HSD17B12: variants seen among roughly 807,000 people sequenced by gnomAD.
The protein encoded by HSD17B12 is very-long-chain 3-oxoacyl-CoA reductase.
Under a neutral mutation model 39.3 loss-of-function variants are expected in HSD17B12, and 32 were observed. The observed-to-expected ratio is 0.81, with a 90% CI of 0.61 to 1.09. The LOEUF (loss-of-function observed/expected upper bound fraction) is 1.09, where lower values mean the gene tolerates loss of function less well. Ranked by LOEUF, HSD17B12 falls within the 50% of genes least tolerant of loss-of-function variation. The pLI, the probability that HSD17B12 is intolerant of heterozygous loss-of-function variation, is 0.00. For missense variants in HSD17B12, 342 were observed against 382.9 expected, an observed-to-expected ratio of 0.89 and a Z score of 0.89; for synonymous variants, 150 against 146.7, an observed-to-expected ratio of 1.02 and a Z score of -0.16.
At chr11:43,809,888 G>A (rs181683612) in intron 4 of HSD17B12, among the ~76,000 whole-genome samples, 7 of 152,284 alleles carry the variant, frequency 4.6e-5, no homozygotes, top group Admixed American at 3.9e-4. Flanking sequence ...GCTGGAACTG[G>A]ATTAGCATTT....
At chr11:43,648,774 C>G in the HSD17B12 span, among the ~76,000 whole-genome samples, 1 of 152,130 alleles carries the variant, frequency 6.6e-6, no homozygotes, top group African/African-American at 2.4e-5. Context: ...GTTGCCCAGG[C>G]TGGAGTGCAG....
the HSD17B12 span, among the ~76,000 whole-genome samples, chr11:43,567,875 C>G: frequency 6.6e-6 from 1 of 152,116 alleles, no homozygotes; most frequent in Non-Finnish European, 1.5e-5. Flanking sequence ...TAAATAAGTT[C>G]CTGGCATCAC....
chr11:43,678,411 T>C (rs2029954265), upstream of HSD17B12, among the ~76,000 whole-genome samples: 1 of 152,220 alleles, frequency 6.6e-6, no homozygotes, highest in Admixed American at 6.5e-5. Context: ...GTAGTTTCTT[T>C]TGCTGTGCAG....
At chr11:43,672,247 C>A in the HSD17B12 span, among the ~76,000 whole-genome samples, 1 of 152,006 alleles carries the variant, frequency 6.6e-6, no homozygotes, top group Non-Finnish European at 1.5e-5. Flanking sequence ...GGCGGGATTT[C>A]ACCGTGTTAG....
Position 43,727,879 on chromosome 11 carries a change from C to T in HSD17B12, c.161-23032C>T, listed in dbSNP as rs563987968. Among the ~76,000 whole-genome samples, 15 of 152,194 alleles carry T rather than the reference C, an allele frequency of 9.9e-5. 1 individual carries two copies. Among genetic ancestry groups the T allele is most frequent in the African/African-American group, 3.4e-4 (14 of 41,540 alleles). On this transcript the variant is annotated intron_variant, in intron 1 of 10. Transcript: ENST00000278353. ...AGTAATGTATAGTGGGCAGTGGACT[C>T]CCCTTTCTCCAGAGATGGTAGAGTA... is the stretch of plus-strand genomic sequence containing the variant.
At chr11:43,839,883 AAAT>A (rs1320607725) in intron 8 of HSD17B12, 113 bp from the exon 9 acceptor site, 1 of 879,702 alleles carries the variant, frequency 1.1e-6, no homozygotes, top group Non-Finnish European at 1.8e-6. Context: ...GAAATGAAAA[AAAT>A]GATGAGAAAT....
chr11:43,737,778 A>C (rs1039622838), intron 1 of HSD17B12, among the ~76,000 whole-genome samples: 2 of 152,210 alleles, frequency 1.3e-5, no homozygotes, highest in Non-Finnish European at 2.9e-5. Context: ...AGAGACAAGA[A>C]TAGTGAACTG....
At chr11:43,718,080 C>T (rs1950141369) in intron 1 of HSD17B12, among the ~76,000 whole-genome samples, 1 of 152,176 alleles carries the variant, frequency 6.6e-6, no homozygotes, top group East Asian at 1.9e-4. Context: ...GTTGGGATTA[C>T]AGGCATGAGC....
intron 7 of HSD17B12, among the ~76,000 whole-genome samples, chr11:43,832,164 G>C (rs1393840307): frequency 6.6e-6 from 1 of 152,194 alleles, no homozygotes; most frequent in Non-Finnish European, 1.5e-5. Flanking sequence ...CTGATGGTCA[G>C]ATATATAAAT....
At chr11:43,626,476 TA>T in the HSD17B12 span, among the ~76,000 whole-genome samples, 2 of 151,846 alleles carry the variant, frequency 1.3e-5, no homozygotes, top group Non-Finnish European at 3.0e-5. Flanking sequence ...CCAATAAAAA[TA>T]ATGCATTTTT....
chr11:43,852,685 C>G (rs1487044519), intron 9 of HSD17B12: 1 of 152,138 alleles, frequency 6.6e-6, no homozygotes, highest in Non-Finnish European at 1.5e-5. Context: ...GGAGATCTCA[C>G]CCTAGTGTGT....
intron 7 of HSD17B12, among the ~76,000 whole-genome samples, chr11:43,835,637 TTTTA>T (rs1951362268): frequency 6.6e-6 from 1 of 152,184 alleles, no homozygotes. Flanking sequence ...AATGCTACTC[TTTTA>T]TTTACTTAGG....
intron 3 of HSD17B12, 70 bp from the exon 4 acceptor site, chr11:43,798,250 A>C: frequency 1.2e-6 from 1 of 842,012 alleles, no homozygotes; most frequent in Non-Finnish European, 2.0e-6. Flanking sequence ...ATGCTATCAA[A>C]TGCCTTAATC....
intron 1 of HSD17B12, among the ~76,000 whole-genome samples, chr11:43,701,035 G>T (rs1949959373): frequency 6.6e-6 from 1 of 152,138 alleles, no homozygotes; most frequent in Non-Finnish European, 1.5e-5. Flanking sequence ...CATTTTAACT[G>T]GGATGAGATA....
chr11:43,714,667 A>T (rs1300741497), intron 1 of HSD17B12, among the ~76,000 whole-genome samples: 1 of 152,176 alleles, frequency 6.6e-6, no homozygotes, highest in Non-Finnish European at 1.5e-5. Context: ...GAAGAAAGTC[A>T]TTGGTAGCTT....
rs17527543 is a variant in HSD17B12 at position 43,848,179 on chromosome 11, C to T, written c.685-6536C>T. 4.1e-3 allele frequency among the ~76,000 whole-genome samples: 629 copies of T among 152,214 alleles called. 2 individuals are homozygous for T. The highest frequency in any genetic ancestry group is 0.01 in the Middle Eastern group (3 of 294). ...AGTTATAAAGCAATATAAAGATTCT[C>T]GCTGGAAATGTTCATGTATGGCCAA... On this transcript the variant is annotated intron_variant, in intron 9 of 10. Coordinates refer to ENST00000278353, the MANE Select transcript of HSD17B12 (RefSeq NM_016142.3).
chr11:43,685,434 A>T (rs1445773666), intron 1 of HSD17B12, among the ~76,000 whole-genome samples: 1 of 152,244 alleles, frequency 6.6e-6, no homozygotes, highest in East Asian at 1.9e-4. Context: ...AGAGTTTGTG[A>T]TATCACATGA....
At chr11:43,591,009 C>G in the HSD17B12 span, among the ~76,000 whole-genome samples, 1 of 151,790 alleles carries the variant, frequency 6.6e-6, no homozygotes, top group Admixed American at 6.6e-5. Context: ...TAGATATAGC[C>G]CTCCAAACTT....
intron 4 of HSD17B12, among the ~76,000 whole-genome samples, chr11:43,802,707 C>A (rs1668597557): frequency 6.6e-6 from 1 of 152,100 alleles, no homozygotes; most frequent in African/African-American, 2.4e-5. Context: ...TCTACTGTCC[C>A]CTAGTGGGTA....
Sources: gnomAD v4.1 joint callset for allele counts (sites outside exome capture counted in the v4.1 genomes callset) on GRCh38, gnomAD v4.1.1 for gene constraint, MANE v1.5 for transcripts, NCBI Gene and HGNC (gene_info 2026-07-23, HGNC 2026-07-21) for gene names.